The following PSMC3IP variants were observed in gnomAD, a reference collection of about 807,000 sequenced individuals.
PSMC3IP encodes the protein homologous-pairing protein 2 homolog.
PSMC3IP carries 26 observed loss-of-function variants against 34.9 expected under a neutral mutation model. That is an observed-to-expected ratio of 0.74 (90% CI 0.55 to 1.03). PSMC3IP has a LOEUF of 1.03. Ranked by LOEUF, PSMC3IP falls within the 50% of genes least tolerant of loss-of-function variation. The probability of loss-of-function intolerance (pLI) is 0.00; values close to 1 mark genes in which losing one functional copy is unlikely to be tolerated. For synonymous variants in PSMC3IP, 87 were observed against 96.5 expected (o/e 0.90, Z 0.57); for missense variants, 250 against 263.1 (o/e 0.95, Z 0.34).
At chr17:42,573,190 T>A (rs1311742201) in intron 6 of PSMC3IP, 24 bp from the exon 7 acceptor site, 2 of 1,614,102 alleles carry the variant, frequency 1.2e-6, no homozygotes, top group Non-Finnish European at 1.7e-6. Context: ...AAACCACCCG[T>A]TTTCAGATGG....
rs775458484 is a variant in PSMC3IP, at chr17:42,573,031, G to A, written c.598-7C>T. On this transcript the variant is annotated splice_region_variant and splice_polypyrimidine_tract_variant and intron_variant, in intron 7 of 7. Coordinates refer to ENST00000393795, the MANE Select transcript of PSMC3IP (RefSeq NM_016556.4). ...TCTCTATCCCAACTTCCTCCTGTGA[G>A]ACAGGGAGACAAGTGAATGAGATGT... 3 of 1,614,198 alleles carry A rather than the reference G, an allele frequency of 1.9e-6. No individual in the cohort carries two copies. The East Asian group carries it at 6.7e-5, about 36-fold the overall frequency.
chr17:42,574,241 A>T, intron 3 of PSMC3IP, 31 bp from the exon 4 acceptor site: 1 of 1,606,416 alleles, frequency 6.2e-7, no homozygotes, highest in South Asian at 1.1e-5. Context: ...ATACAAGTGA[A>T]CTGTTGTGAG....
chr17:42,574,595 A>C (rs1436597543), intron 3 of PSMC3IP, among the ~76,000 whole-genome samples: 2 of 152,268 alleles, frequency 1.3e-5, no homozygotes, highest in East Asian at 3.9e-4. Context: ...CAGGTGAAGA[A>C]GCATGATGGA....
At chr17:42,577,054 G>C in intron 3 of PSMC3IP, 159 bp downstream of exon 3, 1 of 1,494,876 alleles carries the variant, frequency 6.7e-7, no homozygotes, top group African/African-American at 1.4e-5. Flanking sequence ...TCGTGAAGTT[G>C]GGATCCTAAC....
intron 7 of PSMC3IP, 29 bp from the exon 8 acceptor site, chr17:42,573,053 A>T (rs374180443): frequency 1.2e-6 from 2 of 1,614,172 alleles, no homozygotes; most frequent in Admixed American, 1.7e-5. Flanking sequence ...AGTGAATGAG[A>T]TGTCACCAGG....
intron 3 of PSMC3IP, among the ~76,000 whole-genome samples, chr17:42,576,382 A>G (rs893190785): frequency 2.0e-5 from 3 of 152,214 alleles, no homozygotes; most frequent in African/African-American, 7.2e-5. Context: ...GATCATTCTG[A>G]CTGCAATGTT....
chr17:42,575,937 C>T (rs1282773844), intron 3 of PSMC3IP, among the ~76,000 whole-genome samples: 4 of 151,240 alleles, frequency 2.6e-5, no homozygotes, highest in East Asian at 1.9e-4. Flanking sequence ...GGGGGAATGG[C>T]GTGAACCCAG....
Position 42,574,080 on chromosome 17 carries a change from AG to A in PSMC3IP, c.337+18del. On this transcript the variant is annotated intron_variant, in intron 4 of 7. Transcript: ENST00000393795. ...GAACCTAAGCCTATGGGCACTTTGGAGGGGCTACCCAGTCCTACCAGCCTCC... is the reference window on the plus strand; with the variant it reads ...GAACCTAAGCCTATGGGCACTTTGGAGGGCTACCCAGTCCTACCAGCCTCC... The A allele has an allele frequency of 6.2e-7, 1 of 1,613,908 alleles. No homozygotes were observed. Among genetic ancestry groups the A allele is most frequent in the Non-Finnish European group, 8.5e-7 (1 of 1,179,894 alleles).
chr17:42,577,226 T>C lies in PSMC3IP; in HGVS notation c.212A>G (p.Tyr71Cys), dbSNP rs760396789. 3 of 1,613,956 alleles carry C rather than the reference T, an allele frequency of 1.9e-6. No homozygotes were observed. The highest frequency in any genetic ancestry group is 3.3e-5 in the Admixed American group (2 of 60,008). ...KEKMYGKQKI[Y>C]FADQDQFDMV... ...AGTTCTCCTCACCTGATCCGCAAAA[T>C]AGATCTTCTGCTTGCCGTACATCTT... is the stretch of plus-strand genomic sequence containing the variant. The change falls in exon 3 of 8, where the codon TAT becomes TGT. Residue 71 changes from tyrosine (Y) to cysteine (C), a missense_variant. Transcript: ENST00000393795.
rs149332082 is a variant in PSMC3IP at position 42,573,550 on chromosome 17, G to A, written c.411C>T (p.Cys137=). ...TCTTCAATCTCTCTCTGTAGCCAGC[G>A]CATTCCTTCTTTAACTCCTGGATTT... The part of the protein sequence containing the change: ...QKEIQELKKE[C]AGYRERLKNI... Residue 137 remains cysteine, a synonymous_variant, in exon 5 of 8, where the codon TGC becomes TGT. Coordinates refer to ENST00000393795, the MANE Select transcript of PSMC3IP (RefSeq NM_016556.4). 3.7e-5 allele frequency: 60 copies of A among 1,614,096 alleles called. No individual in the cohort carries two copies. The highest frequency in any genetic ancestry group is 3.6e-4 in the African/African-American group (27 of 75,016).
intron 4 of PSMC3IP, 49 bp from the exon 5 acceptor site, chr17:42,573,672 T>C (rs2093053036): frequency 6.2e-7 from 1 of 1,603,508 alleles, no homozygotes. Context: ...AGGAAGGAGT[T>C]CTGTCTTTCC....
In PSMC3IP at chr17:42,573,509, G is replaced by T; in HGVS notation, c.452C>A (p.Thr151Asn). 3.7e-6 allele frequency: 6 copies of T among 1,614,170 alleles called. No individual in the cohort carries two copies. Among genetic ancestry groups the T allele is most frequent in the Non-Finnish European group, 5.1e-6 (6 of 1,180,040 alleles). Residue 151 changes from threonine to asparagine, a missense_variant, in exon 5 of 8, where the codon ACC (threonine) becomes AAC (asparagine). Coordinates refer to ENST00000393795, the MANE Select transcript of PSMC3IP (RefSeq NM_016556.4). ...RERLKNIKAA[T>N]NHVTPEEKEQ... ...TTTCTCTTCTGGAGTCACATGATTG[G>T]TAGCTGCTTTAATGTTCTTCAATCT...
rs1446747404 is a variant in PSMC3IP at position 42,574,124 on chromosome 17, C to T, written c.312G>A (p.Gln104=). ...CAGCCTCCATGTAGCGGCAGCTCTGCTGCAAGCTCTGCACCTTAGCAGTGA... is the reference window on the plus strand; with the variant it reads ...CAGCCTCCATGTAGCGGCAGCTCTGTTGCAAGCTCTGCACCTTAGCAGTGA... ...VALTAKVQSL[Q]QSCRYMEAEL... The change falls in exon 4 of 8, where the codon CAG becomes CAA. Residue 104 remains glutamine, a synonymous_variant. Coordinates refer to ENST00000393795, the MANE Select transcript of PSMC3IP (RefSeq NM_016556.4). 2 of 1,614,170 alleles carry T rather than the reference C, an allele frequency of 1.2e-6. No individual in the cohort carries two copies. The highest frequency in any genetic ancestry group is 2.7e-5 in the African/African-American group (2 of 75,048).
chr17:42,573,028 T>A lies in PSMC3IP; in HGVS notation c.598-4A>T, dbSNP rs2093045249. 6.2e-7 allele frequency: 1 copy of A among 1,614,088 alleles called. No homozygotes were observed. The highest frequency in any genetic ancestry group is 2.2e-5 in the East Asian group (1 of 44,894). On this transcript the variant is annotated splice_region_variant and splice_polypyrimidine_tract_variant and intron_variant, in intron 7 of 7. Coordinates refer to ENST00000393795, the MANE Select transcript of PSMC3IP (RefSeq NM_016556.4). ...CCGTCTCTATCCCAACTTCCTCCTG[T>A]GAGACAGGGAGACAAGTGAATGAGA...
intron 3 of PSMC3IP, among the ~76,000 whole-genome samples, chr17:42,575,064 T>C (rs1802849092): frequency 6.6e-6 from 1 of 152,092 alleles, no homozygotes; most frequent in African/African-American, 2.4e-5. Flanking sequence ...TTGGGATCCA[T>C]GTAGATAAGG....
Position 42,572,952 on chromosome 17 carries a change from C to G in PSMC3IP, c.*16G>C. The G allele has an allele frequency of 6.2e-7, 1 of 1,613,742 alleles. No homozygotes were observed. Among genetic ancestry groups the G allele is most frequent in the Non-Finnish European group, 8.5e-7 (1 of 1,179,798 alleles). On this transcript the variant is annotated 3_prime_UTR_variant, in exon 8 of 8. Coordinates refer to ENST00000393795, the MANE Select transcript of PSMC3IP (RefSeq NM_016556.4). ...CTGACATCCTGCAGTCCCCACCAGT[C>G]CTGACCGTGGGCCCCTCAGGGGTCT...
At chr17:42,574,984 G>A (rs1280661496) in intron 3 of PSMC3IP, among the ~76,000 whole-genome samples, 3 of 152,120 alleles carry the variant, frequency 2.0e-5, no homozygotes, top group Admixed American at 6.6e-5. Flanking sequence ...AAACTCCTGG[G>A]CTCAAGTGAT....
rs372441411 is a variant in PSMC3IP at position 42,573,520 on chromosome 17, A to G, written c.441T>C (p.Ile147=). The stretch of plus-strand genomic sequence containing the variant: ...GAGTCACATGATTGGTAGCTGCTTT[A>G]ATGTTCTTCAATCTCTCTCTGTAGC... ...CAGYRERLKN[I]KAATNHVTPE... is the part of the protein sequence containing the mutation. The change falls in exon 5 of 8, where the codon ATT becomes ATC. Residue 147 remains isoleucine, a synonymous_variant. Coordinates refer to ENST00000393795, the MANE Select transcript of PSMC3IP (RefSeq NM_016556.4). 6.2e-7 allele frequency: 1 copy of G among 1,614,002 alleles called. No individual in the cohort carries two copies. The highest frequency in any genetic ancestry group is 1.3e-5 in the African/African-American group (1 of 74,892).
chr17:42,573,413 C>T (rs746268021), intron 5 of PSMC3IP, 49 bp from the exon 6 acceptor site: 2 of 1,614,254 alleles, frequency 1.2e-6, no homozygotes, highest in African/African-American at 1.3e-5. Context: ...CACAGCAGCC[C>T]TCTGGGGCTC....
Sources: allele counts gnomAD v4.1 joint callset (sites outside exome capture counted in the v4.1 genomes callset), GRCh38; gene constraint gnomAD v4.1.1; transcripts MANE v1.5; gene names NCBI Gene and HGNC (gene_info 2026-07-23, HGNC 2026-07-21).